Variants in EXOC4 observed in about 807,000 individuals in gnomAD.
The protein encoded by EXOC4 is exocyst complex component 4.
EXOC4 carries 71 observed loss-of-function variants against 107.2 expected under a neutral mutation model. The observed-to-expected ratio is 0.66, with a 90% CI of 0.55 to 0.81. The LOEUF is 0.81. Among genes scored for constraint, EXOC4 ranks in the 30% least tolerant of loss-of-function variants. The probability of loss-of-function intolerance (pLI) is 0.00; values close to 1 mark genes in which losing one functional copy is unlikely to be tolerated. For synonymous variants in EXOC4, 456 were observed against 441.2 expected (o/e 1.03, Z -0.42); for missense variants, 1,108 against 1,189.6 (o/e 0.93, Z 1.01).
intron 11 of EXOC4, among the ~76,000 whole-genome samples, chr7:133,834,307 A>G (rs1797872219): frequency 6.6e-6 from 1 of 152,120 alleles, no homozygotes; most frequent in African/African-American, 2.4e-5. Flanking sequence ...AAAGAGGACT[A>G]ATTTTCTAGC....
chr7:133,351,801 G>A (rs552311044), intron 5 of EXOC4, among the ~76,000 whole-genome samples: 7 of 151,646 alleles, frequency 4.6e-5, no homozygotes, highest in South Asian at 4.1e-4. Context: ...GTTTTTTACC[G>A]TAAGCATTTA....
At chr7:134,001,458 G>A (rs1794529337) in intron 15 of EXOC4, among the ~76,000 whole-genome samples, 1 of 119,614 alleles carries the variant, frequency 8.4e-6, no homozygotes, top group Non-Finnish European at 1.7e-5. Flanking sequence ...ATTCGCTGAT[G>A]ACTATTTTAA....
intron 10 of EXOC4, among the ~76,000 whole-genome samples, chr7:133,634,349 AT>A (rs1462489611): frequency 6.6e-6 from 1 of 152,142 alleles, no homozygotes; most frequent in Non-Finnish European, 1.5e-5. Flanking sequence ...ACAGTCAGGC[AT>A]GTCTCTTAGA....
At chr7:133,380,606 AT>A (rs889120612) in intron 7 of EXOC4, among the ~76,000 whole-genome samples, 3 of 151,690 alleles carry the variant, frequency 2.0e-5, no homozygotes, top group African/African-American at 7.2e-5. Context: ...TATGATCTTT[AT>A]TTTTTTATTT....
chr7:134,077,525 G>T, the EXOC4 span, among the ~76,000 whole-genome samples: 1 of 152,224 alleles, frequency 6.6e-6, no homozygotes, highest in East Asian at 1.9e-4. Context: ...GGACGAGAGA[G>T]ACCTCAGGTT....
intron 10 of EXOC4, among the ~76,000 whole-genome samples, chr7:133,679,530 ATCCG>A (rs769361408): frequency 0.013 from 1,946 of 147,758 alleles, 55 homozygotes; most frequent in African/African-American, 0.045. Flanking sequence ...TGCCCCATCC[ATCCG>A]TCCGTCCGTC....
chr7:133,298,628 T>C (rs1166244397), intron 3 of EXOC4, among the ~76,000 whole-genome samples: 2 of 152,174 alleles, frequency 1.3e-5, no homozygotes, highest in Admixed American at 6.5e-5. Context: ...TTTACAATTA[T>C]CTTTCTCTTA....
chr7:133,294,996 TTAAG>T (rs1481101665), intron 3 of EXOC4, among the ~76,000 whole-genome samples: 3 of 152,064 alleles, frequency 2.0e-5, no homozygotes, highest in African/African-American at 4.8e-5. Flanking sequence ...GTCGAATGGA[TTAAG>T]TGAGATATTA....
intron 10 of EXOC4, among the ~76,000 whole-genome samples, chr7:133,780,922 C>A (rs1796452670): frequency 6.6e-6 from 1 of 152,178 alleles, no homozygotes; most frequent in East Asian, 1.9e-4. Context: ...GAGTATTTGA[C>A]CATCTAAGGA....
intron 3 of EXOC4, among the ~76,000 whole-genome samples, chr7:133,298,136 A>G (rs1794559636): frequency 6.6e-6 from 1 of 152,172 alleles, no homozygotes; most frequent in Non-Finnish European, 1.5e-5. Context: ...CTTGTTAAAG[A>G]AGTCTATTTT....
intron 14 of EXOC4, among the ~76,000 whole-genome samples, chr7:133,981,100 G>A (rs1793968115): frequency 6.6e-6 from 1 of 152,188 alleles, no homozygotes; most frequent in Non-Finnish European, 1.5e-5. Context: ...TGTACCATGT[G>A]TCAACTAGTT....
chr7:133,538,882 A>AGAGAGG (rs1357203821), intron 9 of EXOC4, among the ~76,000 whole-genome samples: 721 of 59,912 alleles, frequency 0.012, 6 homozygotes, highest in Non-Finnish European at 0.016. Context: ...AGAGAGAGAG[A>AGAGAGG]GGGAGGGAGG....
At chr7:134,078,327 T>A in the EXOC4 span, among the ~76,000 whole-genome samples, 2 of 151,276 alleles carry the variant, frequency 1.3e-5, no homozygotes, top group Admixed American at 1.3e-4. Context: ...CTATATATAA[T>A]ATTATATCTA....
chr7:133,653,683 C>T (rs1803217690), intron 10 of EXOC4, among the ~76,000 whole-genome samples: 1 of 152,150 alleles, frequency 6.6e-6, no homozygotes, highest in Admixed American at 6.5e-5. Flanking sequence ...ATTTTCCTCC[C>T]TTTTGACAGA....
intron 7 of EXOC4, among the ~76,000 whole-genome samples, chr7:133,424,507 CTCACCGT>C: frequency 6.6e-6 from 1 of 152,124 alleles, no homozygotes; most frequent in South Asian, 2.1e-4. Context: ...AACTGTAACA[CTCACCGT>C]GAGGGTCCGT....
chr7:133,488,758 G>A (rs1456783702), intron 9 of EXOC4, among the ~76,000 whole-genome samples: 1 of 151,836 alleles, frequency 6.6e-6, no homozygotes, highest in Non-Finnish European at 1.5e-5. Flanking sequence ...AAGAAGGATG[G>A]ATATGTAAGT....
intron 9 of EXOC4, among the ~76,000 whole-genome samples, chr7:133,528,511 T>G (rs893878797): frequency 1.3e-5 from 2 of 152,176 alleles, no homozygotes; most frequent in African/African-American, 4.8e-5. Flanking sequence ...CTCTTCAGAT[T>G]GTTGTCACTG....
intron 17 of EXOC4, among the ~76,000 whole-genome samples, chr7:134,063,563 G>A (rs922427804): frequency 2.6e-5 from 4 of 152,078 alleles, no homozygotes; most frequent in African/African-American, 7.2e-5. Context: ...TGGAGTGAGG[G>A]GTAAGTGGCA....
chr7:133,573,068 T>C (rs1801057417), intron 9 of EXOC4, among the ~76,000 whole-genome samples: 1 of 152,200 alleles, frequency 6.6e-6, no homozygotes. Context: ...ACTATACCAG[T>C]TCTAAAACAA....
Sources: allele counts gnomAD v4.1 joint callset (sites outside exome capture counted in the v4.1 genomes callset), GRCh38; gene constraint gnomAD v4.1.1; transcripts MANE v1.5; gene names NCBI Gene and HGNC (gene_info 2026-07-23, HGNC 2026-07-21).